PUS10: variants seen among roughly 807,000 people sequenced by gnomAD.
PUS10 encodes tRNA pseudouridine synthase Pus10.
In PUS10, 59 loss-of-function variants were observed where a neutral mutation model predicts 75.0. The observed-to-expected ratio is 0.79, with a 90% confidence interval of 0.64 to 0.98. PUS10 has a LOEUF of 0.98. Among genes scored for constraint, PUS10 ranks in the 50% least tolerant of loss-of-function variants. The probability of loss-of-function intolerance (pLI) is 0.00; values close to 1 mark genes in which losing one functional copy is unlikely to be tolerated. For synonymous variants in PUS10, 219 were observed against 211.6 expected (o/e 1.03, Z -0.30); for missense variants, 650 against 614.4 (o/e 1.06, Z -0.61).
intron 5 of PUS10, 30 bp from the exon 6 acceptor site, chr2:60,967,643 A>G (rs374343291): frequency 4.1e-6 from 6 of 1,467,262 alleles, no homozygotes; most frequent in African/African-American, 2.9e-5. Context: ...ATTCACTGAC[A>G]TGAAAAACTT....
At chr2:60,955,196 G>A (rs992656685) in intron 11 of PUS10, 122 bp from the exon 12 acceptor site, 19 of 505,114 alleles carry the variant, frequency 3.8e-5, no homozygotes, top group African/African-American at 1.8e-4. Flanking sequence ...TCCCCAGGGA[G>A]AGTCATCATC....
intron 5 of PUS10, among the ~76,000 whole-genome samples, chr2:60,968,087 C>T (rs1044521896): frequency 6.6e-6 from 1 of 152,124 alleles, no homozygotes; most frequent in South Asian, 2.1e-4. Context: ...TTTTAAAAAA[C>T]TTTACTGCTG....
Position 60,953,111 on chromosome 2 carries a change from C to G in PUS10, c.1194G>C (p.Glu398Asp), listed in dbSNP as rs1675446367. 1.9e-6 allele frequency: 3 copies of G among 1,541,390 alleles called. No homozygotes were observed. Among genetic ancestry groups the G allele is most frequent in the South Asian group, 1.2e-5 (1 of 86,218 alleles). ...CACCTTCTTTCATATGTCCTATTGC[C>G]TCTCTAAACAAAAACAATTTTTAGA... ...QVRDLQLVTR[E>D]AIGHMKEGEE... Residue 398 changes from glutamate (E) to aspartate (D), a missense_variant, in exon 15 of 18, where the codon GAG (glutamate) becomes GAC (aspartate). Coordinates refer to ENST00000316752, the MANE Select transcript of PUS10 (RefSeq NM_144709.4).
chr2:61,011,023 A>G, intron 2 of PUS10: 2 of 1,234,884 alleles, frequency 1.6e-6, no homozygotes, highest in Non-Finnish European at 2.2e-6. Context: ...AACTAATAAC[A>G]TTTTAAAAAT....
chr2:60,943,460 TAAGAGA>T (rs1674740091), intron 17 of PUS10, among the ~76,000 whole-genome samples: 3 of 127,090 alleles, frequency 2.4e-5, no homozygotes, highest in Non-Finnish European at 5.3e-5. Context: ...GGATCTACTT[TAAGAGA>T]AAGTTAAAAA....
At chr2:60,945,182 T>A (rs1003527526) in intron 16 of PUS10, 74 bp from the exon 17 acceptor site, 2 of 889,494 alleles carry the variant, frequency 2.2e-6, no homozygotes, top group Non-Finnish European at 3.8e-6. Flanking sequence ...CAGGCAAAAA[T>A]AATAATAAGA....
intron 16 of PUS10, 47 bp downstream of exon 16, chr2:60,947,996 A>T: frequency 1.9e-6 from 3 of 1,609,926 alleles, no homozygotes; most frequent in Non-Finnish European, 2.5e-6. Context: ...GAACTTTTCC[A>T]ATAGAGTTCT....
At chr2:61,012,691 G>A (rs1056756235) in intron 1 of PUS10, among the ~76,000 whole-genome samples, 10 of 148,680 alleles carry the variant, frequency 6.7e-5, no homozygotes, top group East Asian at 2.0e-4. Flanking sequence ...AAAATTTGCC[G>A]GGCATGGTGG....
intron 6 of PUS10, 150 bp downstream of exon 6, chr2:60,967,352 A>T (rs553288516): frequency 1.4e-5 from 8 of 552,666 alleles, no homozygotes; most frequent in Non-Finnish European, 2.5e-5. Context: ...TCAATTTAAG[A>T]CTATCAGAAT....
chr2:60,965,511 A>T, intron 6 of PUS10, 27 bp from the exon 7 acceptor site: 1 of 1,534,318 alleles, frequency 6.5e-7, no homozygotes, highest in Non-Finnish European at 8.9e-7. Context: ...CAGTTTAAAA[A>T]TGAGCAAAAG....
At chr2:60,981,112 CA>C (rs772251036) in intron 4 of PUS10, among the ~76,000 whole-genome samples, 4 of 151,364 alleles carry the variant, frequency 2.6e-5, no homozygotes, top group Non-Finnish European at 5.9e-5. Flanking sequence ...AGGCTTGTCT[CA>C]AACTCCTGAC....
Position 60,965,097 on chromosome 2 carries a change from C to T in PUS10, c.684G>A (p.Ala228=), listed in dbSNP as rs770372811. Reference sequence around the variant, plus strand: ...CTGGCTTAAAACAATCTGGGCATATCGCAGCTCTAAAATAAAATTCAAGTT... The same window carrying T: ...CTGGCTTAAAACAATCTGGGCATATTGCAGCTCTAAAATAAAATTCAAGTT... The part of the protein sequence containing the change: ...ETVEDCHFLA[A]ICPDCFKPAK... Residue 228 remains alanine (A), a synonymous_variant, in exon 8 of 18, where the codon GCG becomes GCA. Coordinates refer to ENST00000316752, the MANE Select transcript of PUS10 (RefSeq NM_144709.4). 4.8e-5 allele frequency: 78 copies of T among 1,613,044 alleles called. No individual in the cohort carries two copies. Among genetic ancestry groups the T allele is most frequent in the Middle Eastern group, 1.6e-4 (1 of 6,080 alleles).
intron 4 of PUS10, among the ~76,000 whole-genome samples, chr2:60,974,630 G>C (rs549469561): frequency 6.6e-6 from 1 of 152,180 alleles, no homozygotes; most frequent in African/African-American, 2.4e-5. Flanking sequence ...AGGGCTCTGC[G>C]GTTTCTAGCG....
At chr2:60,992,012 C>CTT (rs56885280) in intron 4 of PUS10, among the ~76,000 whole-genome samples, 33 of 138,416 alleles carry the variant, frequency 2.4e-4, no homozygotes, top group African/African-American at 5.5e-4. Context: ...AACAGAAGCA[C>CTT]TTTTTTTTTT....
At chr2:60,987,696 G>T (rs973574552) in intron 4 of PUS10, among the ~76,000 whole-genome samples, 1 of 152,186 alleles carries the variant, frequency 6.6e-6, no homozygotes, top group South Asian at 2.1e-4. Flanking sequence ...GCTGAAGCGG[G>T]CAGATCACTT....
At chr2:60,962,754 T>C (rs1255654915) in intron 9 of PUS10, 72 bp downstream of exon 9, 6 of 1,516,154 alleles carry the variant, frequency 4.0e-6, no homozygotes, top group African/African-American at 1.4e-5. Flanking sequence ...TCAGAGATAA[T>C]CCAGCTTATC....
intron 9 of PUS10, among the ~76,000 whole-genome samples, chr2:60,961,858 T>A (rs936864877): frequency 6.6e-6 from 1 of 152,226 alleles, no homozygotes; most frequent in Non-Finnish European, 1.5e-5. Flanking sequence ...GAAAAATCCA[T>A]ACATAGGAAG....
intron 1 of PUS10, 111 bp downstream of exon 1, chr2:61,017,897 G>C (rs1180949925): frequency 6.5e-7 from 1 of 1,529,126 alleles, no homozygotes. Flanking sequence ...GGCCCGAGCG[G>C]GGACTTGGCA....
At chr2:61,006,408 A>G (rs1434887731) in intron 4 of PUS10, 149 bp downstream of exon 4, 1 of 600,080 alleles carries the variant, frequency 1.7e-6, no homozygotes, top group Non-Finnish European at 2.9e-6. Context: ...ACAAGTATTT[A>G]TTAAGCAGCT....
Sources: gnomAD v4.1 joint callset for allele counts (sites outside exome capture counted in the v4.1 genomes callset) on GRCh38, gnomAD v4.1.1 for gene constraint, MANE v1.5 for transcripts, NCBI Gene and HGNC (gene_info 2026-07-23, HGNC 2026-07-21) for gene names.